The following MCC variants were observed in gnomAD, a reference collection of about 807,000 sequenced individuals.
MCC encodes the protein MCC regulator of Wnt signaling pathway.
A neutral mutation model predicts 116.2 loss-of-function variants in MCC; 90 were observed. The ratio of observed to expected loss-of-function variants is 0.77; its 90% CI spans 0.65 to 0.92. The LOEUF is 0.92. Among genes scored for constraint, MCC ranks in the 40% least tolerant of loss-of-function variants. The pLI is 0.00. For missense variants in MCC, 1,516 were observed against 1,312.2 expected (o/e 1.16, Z -2.40); for synonymous variants, 578 against 510.5 (o/e 1.13, Z -1.78).
chr5:113,039,425 G>T (rs1751534964), intron 17 of MCC, among the ~76,000 whole-genome samples: 1 of 152,106 alleles, frequency 6.6e-6, no homozygotes, highest in Non-Finnish European at 1.5e-5. Flanking sequence ...TGTGTTTAAG[G>T]AAGTCCGCCT....
intron 1 of MCC, among the ~76,000 whole-genome samples, chr5:113,484,363 T>C (rs1467594454): frequency 6.6e-6 from 1 of 152,192 alleles, no homozygotes; most frequent in Non-Finnish European, 1.5e-5. Flanking sequence ...TTTTCCAATA[T>C]ACATGAACAT....
chr5:113,128,589 T>C, intron 5 of MCC, among the ~76,000 whole-genome samples: 1 of 152,214 alleles, frequency 6.6e-6, no homozygotes, highest in East Asian at 1.9e-4. Context: ...ATGAATCTTT[T>C]GGTGAATAAT....
intron 17 of MCC, among the ~76,000 whole-genome samples, chr5:113,040,906 G>T (rs1216778779): frequency 1.3e-5 from 2 of 152,178 alleles, no homozygotes; most frequent in African/African-American, 2.4e-5. Context: ...GCCAGCAAAG[G>T]CCTCTGAGGT....
At position 113,488,357 on chromosome 5, in the gene MCC, C is replaced by CCGCT; in HGVS notation, c.57_58insAGCG (p.Gly20SerfsTer41). 1.4e-6 allele frequency: 2 copies of CCGCT among 1,397,604 alleles called. No homozygotes were observed. The highest frequency in any genetic ancestry group is 2.2e-5 in the Admixed American group (1 of 45,736). 86.6% of individuals were successfully genotyped at this position (1,397,604 alleles called of 1,614,324 possible). A position where few individuals can be genotyped will look rare whatever the true frequency, so the allele number is the denominator to read the frequency against. On this transcript the variant is annotated frameshift_variant, in exon 1 of 19. Coordinates refer to ENST00000408903, the MANE Select transcript of MCC (RefSeq NM_001085377.2). LOFTEE classifies it high-confidence loss of function. The stretch of plus-strand genomic sequence containing the variant: ...CTGCTGCTGCTGCTGCCGCTGCCGC[C>CCGCT]GCCGCCGCCGCCGCTGCTGGAGCTC...
At chr5:113,181,263 C>T (rs1347547562) in intron 3 of MCC, among the ~76,000 whole-genome samples, 1 of 152,190 alleles carries the variant, frequency 6.6e-6, no homozygotes, top group Admixed American at 6.5e-5. Flanking sequence ...CATTATCAGG[C>T]AAATTTTAGA....
chr5:113,433,640 C>T, intron 1 of MCC: 1 of 1,415,508 alleles, frequency 7.1e-7, no homozygotes, highest in Non-Finnish European at 9.5e-7. Context: ...AGAGGCTCAT[C>T]TGGGACTGCC....
chr5:113,031,155 G>T (rs1037745359), intron 17 of MCC, among the ~76,000 whole-genome samples: 3 of 152,190 alleles, frequency 2.0e-5, no homozygotes, highest in Non-Finnish European at 4.4e-5. Flanking sequence ...ATCCAGGCCT[G>T]CTTTTGGGAG....
intron 15 of MCC, among the ~76,000 whole-genome samples, chr5:113,049,771 C>A (rs939863171): frequency 3.9e-5 from 6 of 152,180 alleles, no homozygotes; most frequent in African/African-American, 1.4e-4. Context: ...CATGTTTAAT[C>A]ACACCCACGG....
chr5:113,280,929 G>C (rs991631547), intron 3 of MCC, among the ~76,000 whole-genome samples: 1 of 152,286 alleles, frequency 6.6e-6, no homozygotes, highest in African/African-American at 2.4e-5. Flanking sequence ...GTGGGAGGTG[G>C]AAGAGCCTAG....
At chr5:113,484,294 A>G (rs1216189252) in intron 1 of MCC, among the ~76,000 whole-genome samples, 1 of 152,170 alleles carries the variant, frequency 6.6e-6, no homozygotes, top group Non-Finnish European at 1.5e-5. Context: ...TTAAAAATAT[A>G]CATATTTAAA....
chr5:113,424,277 CAA>C (rs918804867), intron 1 of MCC, among the ~76,000 whole-genome samples: 2 of 148,534 alleles, frequency 1.3e-5, no homozygotes, highest in African/African-American at 5.0e-5. Context: ...ATAAAAGAGA[CAA>C]AAAAAATTAA....
At chr5:113,327,230 G>A (rs1043304967) in intron 3 of MCC, among the ~76,000 whole-genome samples, 9 of 152,046 alleles carry the variant, frequency 5.9e-5, no homozygotes, top group African/African-American at 9.7e-5. Context: ...GTATGTGTGT[G>A]TTGGGGGGTG....
intron 3 of MCC, among the ~76,000 whole-genome samples, chr5:113,319,179 T>A (rs1202782102): frequency 6.6e-6 from 1 of 152,200 alleles, no homozygotes; most frequent in East Asian, 1.9e-4. Flanking sequence ...TCTAATACTA[T>A]TATTAATGGA....
chr5:113,287,595 G>C (rs7727056), intron 3 of MCC, among the ~76,000 whole-genome samples: 3 of 152,210 alleles, frequency 2.0e-5, no homozygotes, highest in African/African-American at 7.2e-5. Context: ...AAAGTGCTGG[G>C]ATTACAGGCA....
At chr5:113,139,042 A>G (rs1195146808) in intron 5 of MCC, among the ~76,000 whole-genome samples, 5 of 152,126 alleles carry the variant, frequency 3.3e-5, no homozygotes, top group Admixed American at 3.3e-4. Flanking sequence ...TAGGCTGCCC[A>G]TTTATATCAG....
chr5:113,304,380 C>T (rs1766932629), intron 3 of MCC, among the ~76,000 whole-genome samples: 1 of 152,194 alleles, frequency 6.6e-6, no homozygotes, highest in African/African-American at 2.4e-5. Flanking sequence ...TCTCCAACTG[C>T]AAATATAACT....
chr5:113,330,443 T>G (rs951761937), intron 3 of MCC, among the ~76,000 whole-genome samples: 2 of 152,242 alleles, frequency 1.3e-5, no homozygotes, highest in African/African-American at 2.4e-5. Context: ...TAGAAAACCT[T>G]ACTACCCCAA....
chr5:113,266,722 T>C (rs558723172), intron 3 of MCC, among the ~76,000 whole-genome samples: 1 of 152,170 alleles, frequency 6.6e-6, no homozygotes, highest in East Asian at 1.9e-4. Context: ...TTACAAAGCT[T>C]TTTTGCACAC....
intron 3 of MCC, among the ~76,000 whole-genome samples, chr5:113,307,744 A>C (rs141000711): frequency 2.5e-3 from 376 of 152,306 alleles, no homozygotes; most frequent in African/African-American, 8.6e-3. Context: ...GAGGGGAGGC[A>C]TTCAGTCTTT....
Sources: gnomAD v4.1 joint callset for allele counts (sites outside exome capture counted in the v4.1 genomes callset) on GRCh38, gnomAD v4.1.1 for gene constraint, MANE v1.5 for transcripts, NCBI Gene and HGNC (gene_info 2026-07-23, HGNC 2026-07-21) for gene names.